The following VAV3 variants were observed in gnomAD, a reference collection of about 807,000 sequenced individuals.
VAV3 encodes guanine nucleotide exchange factor VAV3.
In VAV3, 94 loss-of-function variants were observed where a neutral mutation model predicts 131.2. The ratio of observed to expected loss-of-function variants is 0.72; its 90% CI spans 0.61 to 0.85. VAV3 has a LOEUF of 0.85. Among genes scored for constraint, VAV3 ranks in the 40% least tolerant of loss-of-function variants. The pLI is 0.00. For missense variants in VAV3, 939 were observed against 1,002.7 expected (o/e 0.94, Z 0.86); for synonymous variants, 349 against 342.0 (o/e 1.02, Z -0.22).
chr1:107,958,508 T>G (rs879538585), intron 1 of VAV3, among the ~76,000 whole-genome samples: 3 of 152,204 alleles, frequency 2.0e-5, no homozygotes, highest in Non-Finnish European at 4.4e-5. Context: ...CAACACTAGA[T>G]GTTCAAAGGG....
rs150210790 is a variant in VAV3, at chr1:107,592,965, T to C, written c.2350+3247A>G. On this transcript the variant is annotated intron_variant, in intron 25 of 26. Coordinates refer to ENST00000370056, the MANE Select transcript of VAV3 (RefSeq NM_006113.5). ...CATAGAACATCTTTCATGGAGTCACTGAAGTTTCTAGAGGAAGCCCAAGAG... is the reference window on the plus strand; with the variant it reads ...CATAGAACATCTTTCATGGAGTCACCGAAGTTTCTAGAGGAAGCCCAAGAG... Among the ~76,000 whole-genome samples, 457 of 152,242 alleles carry C rather than the reference T, an allele frequency of 3.0e-3. 2 individuals are homozygous for C. Among genetic ancestry groups the C allele is most frequent in the African/African-American group, 0.01 (431 of 41,570 alleles).
chr1:107,788,991 G>T (rs1666153522), intron 2 of VAV3, among the ~76,000 whole-genome samples: 1 of 152,188 alleles, frequency 6.6e-6, no homozygotes, highest in South Asian at 2.1e-4. Context: ...CCAGCAGAGT[G>T]GCTGGGGATA....
intron 19 of VAV3, among the ~76,000 whole-genome samples, chr1:107,650,208 G>C (rs1263833016): frequency 6.6e-6 from 1 of 152,044 alleles, no homozygotes; most frequent in Non-Finnish European, 1.5e-5. Context: ...TTGATAATAG[G>C]CAGTCTTGAG....
intron 1 of VAV3, among the ~76,000 whole-genome samples, chr1:107,885,806 C>G (rs1027721248): frequency 3.9e-5 from 6 of 152,154 alleles, no homozygotes; most frequent in African/African-American, 1.4e-4. Context: ...GGCTCCCAAA[C>G]CATGCCTTTA....
chr1:107,964,881 C>G lies in VAV3; in HGVS notation c.-12G>C, dbSNP rs373204433. 12 of 1,516,248 alleles carry G rather than the reference C, an allele frequency of 7.9e-6. No individual in the cohort carries two copies. The African/African-American group carries it at 1.6e-4, about 20-fold the overall frequency. 93.9% of individuals were successfully genotyped at this position (1,516,248 alleles called of 1,614,324 possible). A position where few individuals can be genotyped will look rare whatever the true frequency, so the allele number is the denominator to read the frequency against. ...TTCCACGGCTCCATGCCCGACGGCT[C>G]CGGGACGCGGCTGGGCCGGGGCGGG... is the stretch of plus-strand genomic sequence containing the variant. On this transcript the variant is annotated 5_prime_UTR_variant, in exon 1 of 27. Transcript: ENST00000370056.
chr1:107,917,435 A>G (rs1312469090), intron 1 of VAV3, among the ~76,000 whole-genome samples: 1 of 152,246 alleles, frequency 6.6e-6, no homozygotes, highest in Non-Finnish European at 1.5e-5. Flanking sequence ...GGTAACTGCC[A>G]GAATTCTAGC....
chr1:107,886,066 A>G lies in VAV3; in HGVS notation c.205-11049T>C, dbSNP rs573102531. On this transcript the variant is annotated intron_variant, in intron 1 of 26. Coordinates refer to ENST00000370056, the MANE Select transcript of VAV3 (RefSeq NM_006113.5). ...TATGGTGAGAAGCAAGGGGACTAGC[A>G]TATGAAAAGGCCTGGCCAAAATTTT... Among the ~76,000 whole-genome samples the G allele has an allele frequency of 3.3e-5, 5 of 152,350 alleles. No individual in the cohort carries two copies. In the South Asian group the frequency reaches 1.0e-3, roughly 32 times the overall value.
chr1:107,855,615 G>A (rs1669434050), intron 2 of VAV3, among the ~76,000 whole-genome samples: 1 of 152,052 alleles, frequency 6.6e-6, no homozygotes, highest in African/African-American at 2.4e-5. Flanking sequence ...GTTAAGAGCA[G>A]GGGCAGGAAT....
At chr1:107,876,348 A>C (rs1353600092) in intron 1 of VAV3, among the ~76,000 whole-genome samples, 1 of 152,138 alleles carries the variant, frequency 6.6e-6, no homozygotes, top group Non-Finnish European at 1.5e-5. Context: ...AAAGAGAGAA[A>C]AGGAAGTGAA....
Position 107,573,205 on chromosome 1 carries a change from AG to A in VAV3, c.*125del. The A allele has an allele frequency of 1.0e-6, 1 of 992,332 alleles. No individual in the cohort carries two copies. Among genetic ancestry groups the A allele is most frequent in the Non-Finnish European group, 1.5e-6 (1 of 665,596 alleles). The allele number at this position is 992,332 out of a possible 1,614,324, so 61.5% of individuals were successfully genotyped here. ...CATTAAGACTTAGGAGGGGCTAAGG[AG>A]GGAGGATGTTGAACAGCCAGAAATG... On this transcript the variant is annotated 3_prime_UTR_variant, in exon 27 of 27. Transcript: ENST00000370056.
In VAV3 at chr1:107,825,525, C is replaced by T. The variant is rs142822312; in HGVS notation, c.322-46033G>A. On this transcript the variant is annotated intron_variant, in intron 2 of 26. Coordinates refer to ENST00000370056, the MANE Select transcript of VAV3 (RefSeq NM_006113.5). ...AAGAGGAAGGAAATGTAGGCAGGCTCATGATAGAGAAAAATCTACTACTTT... is the reference window on the plus strand; with the variant it reads ...AAGAGGAAGGAAATGTAGGCAGGCTTATGATAGAGAAAAATCTACTACTTT... Among the ~76,000 whole-genome samples the T allele has an allele frequency of 2.8e-4, 42 of 151,962 alleles. No homozygotes were observed. In the East Asian group the frequency reaches 7.9e-3, roughly 29 times the overall value.
At chr1:107,825,615 T>TACATAAATATTCTGTCAA (rs1667977234) in intron 2 of VAV3, among the ~76,000 whole-genome samples, 1 of 152,164 alleles carries the variant, frequency 6.6e-6, no homozygotes, top group Non-Finnish European at 1.5e-5. Context: ...CAAACTGGTC[T>TACATAAATATTCTGTCAA]ACTCCCCTAC....
At chr1:107,956,327 G>A (rs914960068) in intron 1 of VAV3, among the ~76,000 whole-genome samples, 1 of 152,166 alleles carries the variant, frequency 6.6e-6, no homozygotes, top group East Asian at 1.9e-4. Context: ...AAAAGTAAAT[G>A]GTCTCGGGCA....
chr1:107,745,876 T>C (rs996972367), intron 15 of VAV3, among the ~76,000 whole-genome samples: 2 of 152,140 alleles, frequency 1.3e-5, no homozygotes, highest in African/African-American at 4.8e-5. Flanking sequence ...TTTTCAGAAT[T>C]CCTTAAAGCA....
intron 2 of VAV3, among the ~76,000 whole-genome samples, chr1:107,808,805 T>A (rs1033456865): frequency 6.6e-6 from 1 of 152,130 alleles, no homozygotes; most frequent in Non-Finnish European, 1.5e-5. Context: ...ACAAATGAAG[T>A]TTTTTTCCAA....
intron 2 of VAV3, among the ~76,000 whole-genome samples, chr1:107,860,686 A>G (rs1052908455): frequency 1.3e-5 from 2 of 151,754 alleles, no homozygotes; most frequent in East Asian, 3.9e-4. Context: ...CACAGAAGTT[A>G]GAAAGAAATA....
chr1:107,901,053 G>C (rs1431189399), intron 1 of VAV3, among the ~76,000 whole-genome samples: 1 of 152,176 alleles, frequency 6.6e-6, no homozygotes, highest in Non-Finnish European at 1.5e-5. Context: ...ACTTACTAAA[G>C]ATTACTGGAC....
intron 19 of VAV3, among the ~76,000 whole-genome samples, chr1:107,674,102 G>T (rs375594164): frequency 1.1e-4 from 16 of 152,264 alleles, no homozygotes; most frequent in East Asian, 9.6e-4. Flanking sequence ...TTTCAGAACT[G>T]CATGATATTT....
Position 107,843,792 on chromosome 1 carries a change from A to T in VAV3, c.321+31109T>A, listed in dbSNP as rs557088629. ...TTTTGGGGGAGTCTTTTGCCTGTTC[A>T]GTTGTGACAGATAATCCTAGGATAA... On this transcript the variant is annotated intron_variant, in intron 2 of 26. Coordinates refer to ENST00000370056, the MANE Select transcript of VAV3 (RefSeq NM_006113.5). 3.5e-3 allele frequency among the ~76,000 whole-genome samples: 534 copies of T among 152,116 alleles called. 1 individual carries two copies. The highest frequency in any genetic ancestry group is 0.014 in the Middle Eastern group (4 of 292).
Sources: allele counts gnomAD v4.1 joint callset (sites outside exome capture counted in the v4.1 genomes callset), GRCh38; gene constraint gnomAD v4.1.1; transcripts MANE v1.5; gene names NCBI Gene and HGNC (gene_info 2026-07-23, HGNC 2026-07-21).